Variants in ARHGAP17 observed in about 807,000 individuals in gnomAD.
ARHGAP17 encodes the protein rho GTPase-activating protein 17.
ARHGAP17 carries 57 observed loss-of-function variants against 99.5 expected under a neutral mutation model. That is an observed-to-expected ratio of 0.57 (90% CI 0.46 to 0.71). ARHGAP17 has a LOEUF of 0.71. Ranked by LOEUF, ARHGAP17 falls within the 30% of genes least tolerant of loss-of-function variation. The pLI is 0.00. For missense variants in ARHGAP17, 1,000 were observed against 1,122.4 expected (o/e 0.89, Z 1.56); for synonymous variants, 417 against 429.6 (o/e 0.97, Z 0.36).
At chr16:24,983,002 T>TATATATATATATATATATA in intron 1 of ARHGAP17, among the ~76,000 whole-genome samples, 1 of 21,742 alleles carries the variant, frequency 4.6e-5, no homozygotes, top group African/African-American at 1.3e-4. Context: ...ATATATTTTT[T>TATATATATATATATATATA]TTTTTTTTTT....
intron 3 of ARHGAP17, among the ~76,000 whole-genome samples, chr16:24,972,206 A>AG (rs1172271756): frequency 6.6e-6 from 1 of 152,210 alleles, no homozygotes; most frequent in Non-Finnish European, 1.5e-5. Flanking sequence ...TACTAAGAGC[A>AG]GGGGCTCTGG....
intron 1 of ARHGAP17, among the ~76,000 whole-genome samples, chr16:24,982,982 A>ATATATATATATATATT (rs2052728803): frequency 1.7e-3 from 57 of 32,658 alleles, no homozygotes; most frequent in Non-Finnish European, 1.9e-3. Flanking sequence ...ATATATATAT[A>ATATATATATATATATT]TATATATATA....
intron 14 of ARHGAP17, among the ~76,000 whole-genome samples, chr16:24,946,322 C>T (rs950375000): frequency 8.6e-5 from 13 of 151,738 alleles, no homozygotes; most frequent in Admixed American, 2.6e-4. Flanking sequence ...TCAAGTTTCA[C>T]GAAGCCACGT....
At chr16:24,968,638 G>A (rs762558520) in intron 5 of ARHGAP17, 23 bp downstream of exon 5, 25 of 1,612,080 alleles carry the variant, frequency 1.6e-5, no homozygotes, top group East Asian at 8.9e-5. Context: ...CGGCTCTTCC[G>A]TGCTGCACGG....
chr16:24,943,343 C>T (rs1443112323), intron 15 of ARHGAP17, among the ~76,000 whole-genome samples: 2 of 152,210 alleles, frequency 1.3e-5, no homozygotes, highest in Non-Finnish European at 2.9e-5. Flanking sequence ...GCATATTCAA[C>T]ATCGCCTCTT....
Position 24,938,080 on chromosome 16 carries a change from T to C in ARHGAP17, c.1724+1284A>G, listed in dbSNP as rs536455265. Among the ~76,000 whole-genome samples the C allele has an allele frequency of 9.3e-4, 142 of 152,172 alleles. 1 individual carries two copies. The highest frequency in any genetic ancestry group is 4.0e-4 in the Non-Finnish European group (27 of 68,012). ...TCAATTAAATAAAAATCTCAAGTTA[T>C]GGCTGGGCGCGGTGGCTCACACCTG... On this transcript the variant is annotated intron_variant, in intron 17 of 19. Transcript: ENST00000289968.
chr16:25,004,660 G>T (rs1283923534), intron 1 of ARHGAP17, among the ~76,000 whole-genome samples: 1 of 152,124 alleles, frequency 6.6e-6, no homozygotes, highest in Non-Finnish European at 1.5e-5. Context: ...GTATAAATTT[G>T]GCCAAACCAT....
At position 24,935,644 on chromosome 16, in the gene ARHGAP17, GA is replaced by G; in HGVS notation, c.1725-6del. On this transcript the variant is annotated splice_polypyrimidine_tract_variant and splice_region_variant and intron_variant, in intron 17 of 19. Transcript: ENST00000289968. ...GGGTCCTTCGGTTTGGGAGGACTAA[GA>G]GGAGTAAAAGTCAAGTTAGACGTCA... The G allele has an allele frequency of 6.2e-7, 1 of 1,613,738 alleles. No homozygotes were observed. Among genetic ancestry groups the G allele is most frequent in the Non-Finnish European group, 8.5e-7 (1 of 1,179,978 alleles).
In ARHGAP17 at chr16:24,949,449, CA is replaced by C; in HGVS notation, c.1081del (p.Trp361GlyfsTer18). ...TGGTGGCAACTTCTGACATGTTCTC[CA>C]CAAGTCTTGAAGTTTTTTGTCTTGA... is the stretch of plus-strand genomic sequence containing the variant. ...QDQDKKLQDL[W>X]RTCQKLPPQN... On this transcript the variant is annotated frameshift_variant, in exon 13 of 20. Transcript: ENST00000289968. LOFTEE classifies it high-confidence loss of function. 1 of 1,613,792 alleles carries C rather than the reference CA, an allele frequency of 6.2e-7. No homozygotes were observed. Among genetic ancestry groups the C allele is most frequent in the Non-Finnish European group, 8.5e-7 (1 of 1,179,930 alleles).
intron 17 of ARHGAP17, chr16:24,936,023 G>C (rs750067574): frequency 9.3e-6 from 3 of 323,336 alleles, no homozygotes; most frequent in Non-Finnish European, 1.2e-5. Flanking sequence ...TATCATCAGA[G>C]AGACCATTTC....
chr16:25,014,118 T>G (rs2053717065), intron 1 of ARHGAP17, among the ~76,000 whole-genome samples: 1 of 151,896 alleles, frequency 6.6e-6, no homozygotes, highest in Non-Finnish European at 1.5e-5. Flanking sequence ...AAAAGCAAAT[T>G]TAGAAAACTC....
chr16:24,941,894 A>C, intron 16 of ARHGAP17, 93 bp downstream of exon 16: 1 of 1,569,812 alleles, frequency 6.4e-7, no homozygotes, highest in Non-Finnish European at 8.7e-7. Flanking sequence ...GATGGCGACC[A>C]CTCTCAAATC....
intron 4 of ARHGAP17, 84 bp from the exon 5 acceptor site, chr16:24,968,856 T>A: frequency 7.5e-7 from 1 of 1,336,158 alleles, no homozygotes; most frequent in Non-Finnish European, 1.1e-6. Flanking sequence ...CTGCTTGCCA[T>A]ACAACAGGAA....
Position 24,919,770 on chromosome 16 carries a change from C to T in ARHGAP17, c.*360G>A, listed in dbSNP as rs1243768426. 2 of 173,680 alleles carry T rather than the reference C, an allele frequency of 1.2e-5. No individual in the cohort carries two copies. The highest frequency in any genetic ancestry group is 2.5e-5 in the Non-Finnish European group (2 of 81,284). The allele number at this position is 173,680 out of a possible 1,614,324, so 10.8% of individuals were successfully genotyped here. ...TAAATAGATAGTTAACGCACTGCTT[C>T]TTACTCATTCCAAGTTGCTGTAGGT... is the stretch of plus-strand genomic sequence containing the variant. On this transcript the variant is annotated 3_prime_UTR_variant, in exon 20 of 20. Coordinates refer to ENST00000289968, the MANE Select transcript of ARHGAP17 (RefSeq NM_001006634.3).
At chr16:24,954,459 G>A (rs2051743476) in intron 10 of ARHGAP17, 144 bp downstream of exon 10, 2 of 1,174,436 alleles carry the variant, frequency 1.7e-6, no homozygotes, top group South Asian at 3.5e-5. Context: ...GGTGACAAAA[G>A]CTTGAAAGCC....
At chr16:25,002,754 T>A (rs1469730281) in intron 1 of ARHGAP17, among the ~76,000 whole-genome samples, 2 of 152,122 alleles carry the variant, frequency 1.3e-5, no homozygotes, top group African/African-American at 2.4e-5. Context: ...TTAAACTGGT[T>A]CTGGCTGGGC....
At chr16:24,999,830 A>G (rs1473943359) in intron 1 of ARHGAP17, among the ~76,000 whole-genome samples, 1 of 152,170 alleles carries the variant, frequency 6.6e-6, no homozygotes. Context: ...TTTTTACATG[A>G]AAGCTTTAAC....
At chr16:24,968,132 T>C (rs1375751347) in intron 6 of ARHGAP17, among the ~76,000 whole-genome samples, 2 of 152,202 alleles carry the variant, frequency 1.3e-5, no homozygotes, top group Non-Finnish European at 2.9e-5. Context: ...TTAGATTATT[T>C]CCTTTCACTG....
At chr16:24,934,799 A>G (rs1327105343) in intron 18 of ARHGAP17, among the ~76,000 whole-genome samples, 1 of 152,138 alleles carries the variant, frequency 6.6e-6, no homozygotes, top group Non-Finnish European at 1.5e-5. Flanking sequence ...GGTAAGAAGA[A>G]ACCATGTGAA....
Sources: allele counts gnomAD v4.1 joint callset (sites outside exome capture counted in the v4.1 genomes callset), GRCh38; gene constraint gnomAD v4.1.1; transcripts MANE v1.5; gene names NCBI Gene and HGNC (gene_info 2026-07-23, HGNC 2026-07-21).